The following SOS2 variants were observed in gnomAD, a reference collection of about 807,000 sequenced individuals.
SOS2 encodes the protein SOS Ras/Rho guanine nucleotide exchange factor 2, also known as son of sevenless homolog 2.
Under a neutral mutation model 148.2 loss-of-function variants are expected in SOS2, and 65 were observed. The ratio of observed to expected loss-of-function variants is 0.44; its 90% CI spans 0.36 to 0.54. The LOEUF is 0.54. Among genes scored for constraint, SOS2 ranks in the 20% least tolerant of loss-of-function variants. The pLI, the probability that SOS2 is intolerant of heterozygous loss-of-function variation, is 0.00. For synonymous variants in SOS2, 539 were observed against 537.1 expected (o/e 1.00, Z -0.05); for missense variants, 1,341 against 1,590.2 (o/e 0.84, Z 2.67).
intron 4 of SOS2, among the ~76,000 whole-genome samples, chr14:50,195,489 C>T (rs947870477): frequency 2.0e-5 from 3 of 152,122 alleles, no homozygotes; most frequent in Non-Finnish European, 4.4e-5. Flanking sequence ...TGGCCTGGTG[C>T]AGTGGCCAAC....
At position 50,163,117 on chromosome 14, in the gene SOS2, A is replaced by G. The variant is rs141522022; in HGVS notation, c.1069-1508T>C. ...GAGATGGGGTCTCACTATGCTGCCC[A>G]GGCTGCCCTCAAACTGTTTTAATCT... is the stretch of plus-strand genomic sequence containing the variant. On this transcript the variant is annotated intron_variant, in intron 8 of 22. Coordinates refer to ENST00000216373, the MANE Select transcript of SOS2 (RefSeq NM_006939.4). Among the ~76,000 whole-genome samples, 56 of 151,186 alleles carry G rather than the reference A, an allele frequency of 3.7e-4. 1 individual carries two copies. The East Asian group carries it at 8.5e-3, about 23-fold the overall frequency.
At chr14:50,130,154 C>G (rs1291563480) in intron 20 of SOS2, 152 bp from the exon 21 acceptor site, 3 of 590,314 alleles carry the variant, frequency 5.1e-6, no homozygotes, top group East Asian at 2.9e-5. Context: ...TCAGAACCTT[C>G]TGTATCTAGA....
chr14:50,176,183 T>C (rs1052451244), intron 7 of SOS2, among the ~76,000 whole-genome samples: 3 of 152,210 alleles, frequency 2.0e-5, no homozygotes, highest in African/African-American at 7.2e-5. Context: ...GAAAGCACCA[T>C]CTATGAACCA....
intron 1 of SOS2, among the ~76,000 whole-genome samples, chr14:50,214,997 G>A (rs1056206888): frequency 8.6e-5 from 13 of 151,480 alleles, no homozygotes; most frequent in Middle Eastern, 3.4e-3. Context: ...GGCCATGCCC[G>A]GCTAATTTTT....
intron 1 of SOS2, among the ~76,000 whole-genome samples, chr14:50,225,329 C>A (rs1222465802): frequency 1.3e-5 from 2 of 152,158 alleles, no homozygotes; most frequent in African/African-American, 2.4e-5. Context: ...CATTAAAATT[C>A]CTTTTGATTC....
intron 8 of SOS2, among the ~76,000 whole-genome samples, chr14:50,167,008 G>A (rs1042887331): frequency 2.5e-4 from 38 of 151,870 alleles, no homozygotes; most frequent in African/African-American, 8.9e-4. Flanking sequence ...AGAAGTTTGA[G>A]ATCAGCTTGG....
chr14:50,137,085 C>T (rs1461836591), intron 18 of SOS2, among the ~76,000 whole-genome samples: 3 of 152,130 alleles, frequency 2.0e-5, no homozygotes, highest in South Asian at 2.1e-4. Flanking sequence ...TAATATGACA[C>T]GTAAACTTAT....
chr14:50,197,696 T>G (rs978361643), intron 4 of SOS2, among the ~76,000 whole-genome samples: 10 of 150,818 alleles, frequency 6.6e-5, no homozygotes, highest in Non-Finnish European at 1.5e-4. Flanking sequence ...CACCTTTTTT[T>G]TTTTTTTTTT....
chr14:50,135,841 A>G (rs929879963), intron 18 of SOS2, among the ~76,000 whole-genome samples: 4 of 150,574 alleles, frequency 2.7e-5, no homozygotes, highest in African/African-American at 9.8e-5. Flanking sequence ...GTACTTTCTA[A>G]TTTTTTGCTA....
intron 14 of SOS2, among the ~76,000 whole-genome samples, chr14:50,148,266 C>T (rs769793640): frequency 2.6e-4 from 40 of 151,658 alleles, no homozygotes; most frequent in Non-Finnish European, 4.0e-4. Context: ...ATAAAAAAGC[C>T]GGGCATGGTG....
chr14:50,208,375 G>C (rs1385280803), intron 1 of SOS2, among the ~76,000 whole-genome samples: 2 of 152,054 alleles, frequency 1.3e-5, no homozygotes, highest in African/African-American at 4.8e-5. Flanking sequence ...CAATAGGCTG[G>C]GTGCGGTGGC....
intron 21 of SOS2, among the ~76,000 whole-genome samples, chr14:50,128,914 C>T (rs781763341): frequency 6.6e-6 from 1 of 152,046 alleles, no homozygotes; most frequent in Non-Finnish European, 1.5e-5. Flanking sequence ...GCCACTGTGC[C>T]TGGCCAGATA....
chr14:50,166,796 A>G (rs968651794), intron 8 of SOS2, among the ~76,000 whole-genome samples: 4 of 152,190 alleles, frequency 2.6e-5, no homozygotes, highest in Non-Finnish European at 5.9e-5. Context: ...TCACTGTACT[A>G]GGAGTTCAGT....
intron 8 of SOS2, among the ~76,000 whole-genome samples, chr14:50,162,369 G>A (rs1885038173): frequency 1.3e-5 from 2 of 152,048 alleles, no homozygotes; most frequent in South Asian, 4.1e-4. Flanking sequence ...CTGGACTCAA[G>A]CTATCCTCCC....
chr14:50,158,668 T>G, intron 10 of SOS2, 22 bp from the exon 11 acceptor site: 1 of 1,478,776 alleles, frequency 6.8e-7, no homozygotes, highest in African/African-American at 1.4e-5. Flanking sequence ...GAGCATAAAA[T>G]AGGTTTCATG....
intron 2 of SOS2, among the ~76,000 whole-genome samples, 167 bp from the exon 3 acceptor site, chr14:50,201,251 G>A (rs993306824): frequency 3.3e-5 from 5 of 152,044 alleles, no homozygotes; most frequent in Admixed American, 6.6e-5. Flanking sequence ...AAAAAGGTCA[G>A]GCTGGGCGCG....
At chr14:50,127,169 C>T (rs1883709130) in intron 21 of SOS2, among the ~76,000 whole-genome samples, 1 of 130,768 alleles carries the variant, frequency 7.6e-6, no homozygotes, top group Non-Finnish European at 1.5e-5. Context: ...GAGACAGAGT[C>T]TCACTCTGTC....
chr14:50,122,706 T>C (rs763310597), intron 21 of SOS2, among the ~76,000 whole-genome samples: 1 of 152,186 alleles, frequency 6.6e-6, no homozygotes, highest in African/African-American at 2.4e-5. Context: ...CAATAACCCT[T>C]GCTGAAGTCT....
At chr14:50,195,287 A>G (rs554855860) in intron 4 of SOS2, among the ~76,000 whole-genome samples, 2 of 152,212 alleles carry the variant, frequency 1.3e-5, no homozygotes, top group Non-Finnish European at 2.9e-5. Flanking sequence ...ATGCATTTCA[A>G]TATACTCTGT....
Sources: gnomAD v4.1 joint callset for allele counts (sites outside exome capture counted in the v4.1 genomes callset) on GRCh38, gnomAD v4.1.1 for gene constraint, MANE v1.5 for transcripts, NCBI Gene and HGNC (gene_info 2026-07-23, HGNC 2026-07-21) for gene names.